The following CSTF3 variants were observed in gnomAD, a reference collection of about 807,000 sequenced individuals.
The protein encoded by CSTF3 is cleavage stimulation factor subunit 3, also known as CF-1 77 kDa subunit.
In CSTF3, 29 loss-of-function variants were observed where a neutral mutation model predicts 105.8. That is an observed-to-expected ratio of 0.27 (90% CI 0.20 to 0.37). The LOEUF is 0.37. Among genes scored for constraint, CSTF3 ranks in the 10% least tolerant of loss-of-function variants. CSTF3 has a pLI of 1.00. For synonymous variants in CSTF3, 252 were observed against 281.9 expected (o/e 0.89, Z 1.06); for missense variants, 357 against 879.3 (o/e 0.41, Z 7.51).
chr11:33,102,832 G>T (rs1006400245), intron 9 of CSTF3, among the ~76,000 whole-genome samples: 2 of 152,144 alleles, frequency 1.3e-5, no homozygotes, highest in Non-Finnish European at 2.9e-5. Flanking sequence ...AGAGGGAAAA[G>T]AATTACTTCA....
chr11:33,098,780 AG>A lies in CSTF3; in HGVS notation c.1054-17del. 3 of 1,479,818 alleles carry A rather than the reference AG, an allele frequency of 2.0e-6. No individual in the cohort carries two copies. Among genetic ancestry groups the A allele is most frequent in the Non-Finnish European group, 2.7e-6 (3 of 1,109,744 alleles). The allele number at this position is 1,479,818 out of a possible 1,614,324, so 91.7% of individuals were successfully genotyped here. On this transcript the variant is annotated splice_polypyrimidine_tract_variant and intron_variant, in intron 12 of 20. Coordinates refer to ENST00000323959, the MANE Select transcript of CSTF3 (RefSeq NM_001326.3). ...TCATGCGACTCTAAGGTGGTACAGA[AG>A]AAGTGAGTATCAACATATGGTCATA...
At chr11:33,131,229 G>C (rs1486977571) in intron 3 of CSTF3, among the ~76,000 whole-genome samples, 1 of 152,062 alleles carries the variant, frequency 6.6e-6, no homozygotes, top group African/African-American at 2.4e-5. Flanking sequence ...GGATAACCTG[G>C]CTACACAGAA....
chr11:33,141,951 C>T lies in CSTF3; in HGVS notation c.63G>A (p.Ala21=), dbSNP rs780857675. Residue 21 remains alanine (A), a synonymous_variant, in exon 2 of 21, where the codon GCG becomes GCA. Coordinates refer to ENST00000323959, the MANE Select transcript of CSTF3 (RefSeq NM_001326.3). ...AEYVPEKVKK[A]EKKLEENPYD... is the part of the protein sequence containing the mutation. ...ATGGATTCTCTTCTAATTTCTTTTC[C>T]GCTTTCTTCACCTTCTCTGGGACAT... 1.1e-5 allele frequency: 17 copies of T among 1,612,272 alleles called. No homozygotes were observed. The highest frequency in any genetic ancestry group is 2.2e-5 in the East Asian group (1 of 44,858).
chr11:33,136,619 C>G (rs1855656222), intron 3 of CSTF3, among the ~76,000 whole-genome samples: 1 of 151,892 alleles, frequency 6.6e-6, no homozygotes, highest in African/African-American at 2.4e-5. Flanking sequence ...CAATTGCCAC[C>G]TGATTCCCCT....
chr11:33,085,505 A>AGAT (rs1855095718), intron 20 of CSTF3, among the ~76,000 whole-genome samples: 1 of 152,244 alleles, frequency 6.6e-6, no homozygotes, highest in Non-Finnish European at 1.5e-5. Context: ...TGAATAGAAA[A>AGAT]GATAAAGTTT....
chr11:33,119,582 T>C (rs1210233411), intron 3 of CSTF3, among the ~76,000 whole-genome samples: 1 of 151,814 alleles, frequency 6.6e-6, no homozygotes, highest in Non-Finnish European at 1.5e-5. Context: ...TTTTTACCTA[T>C]TAGTAGAGAA....
chr11:33,108,383 C>A lies in CSTF3; in HGVS notation c.258+3G>T. On this transcript the variant is annotated splice_donor_region_variant and intron_variant, in intron 4 of 20. Transcript: ENST00000323959. ...ATAAAATTCAAAGTATTTGAGGACT[C>A]ACCTTTTCAACCTTGTCATAATTTT... 1 of 1,490,514 alleles carries A rather than the reference C, an allele frequency of 6.7e-7. No homozygotes were observed. The highest frequency in any genetic ancestry group is 9.0e-7 in the Non-Finnish European group (1 of 1,108,520). 92.3% of individuals were successfully genotyped at this position (1,490,514 alleles called of 1,614,324 possible).
At chr11:33,158,132 C>T (rs1031284424) in intron 1 of CSTF3, among the ~76,000 whole-genome samples, 3 of 152,134 alleles carry the variant, frequency 2.0e-5, no homozygotes, top group African/African-American at 7.2e-5. Flanking sequence ...TAAATTGAAG[C>T]TCTATGACAG....
chr11:33,085,641 G>T, intron 20 of CSTF3, 72 bp downstream of exon 20: 1 of 1,346,352 alleles, frequency 7.4e-7, no homozygotes, highest in Non-Finnish European at 1.1e-6. Context: ...CAGTGGCAGA[G>T]AATAATAATC....
At chr11:33,145,349 A>G (rs1034292648) in intron 1 of CSTF3, among the ~76,000 whole-genome samples, 1 of 152,144 alleles carries the variant, frequency 6.6e-6, no homozygotes, top group African/African-American at 2.4e-5. Context: ...AGGTGGCAGG[A>G]TCACCTGAGC....
At chr11:33,157,660 C>T (rs1849884702) in intron 1 of CSTF3, among the ~76,000 whole-genome samples, 3 of 151,972 alleles carry the variant, frequency 2.0e-5, no homozygotes, top group Admixed American at 1.3e-4. Flanking sequence ...TTAGGGGGCA[C>T]AAATCACAAA....
rs1248611092 is a variant in CSTF3 at position 33,084,930 on chromosome 11, T to G, written c.*157A>C. ...TTCCGTATTCTAAAATTCACACAGG[T>G]TGGTTTGTTTTTTCTCAAGAACCAT... On this transcript the variant is annotated 3_prime_UTR_variant, in exon 21 of 21. Transcript: ENST00000323959. 9.1e-6 allele frequency: 7 copies of G among 770,390 alleles called. No homozygotes were observed. In the African/African-American group the frequency reaches 1.0e-4, roughly 11 times the overall value. 47.7% of individuals were successfully genotyped at this position (770,390 alleles called of 1,614,324 possible). A position where few individuals can be genotyped will look rare whatever the true frequency, so the allele number is the denominator to read the frequency against.
At chr11:33,096,141 G>C (rs1855221124) in intron 15 of CSTF3, among the ~76,000 whole-genome samples, 165 bp downstream of exon 15, 1 of 152,200 alleles carries the variant, frequency 6.6e-6, no homozygotes, top group Non-Finnish European at 1.5e-5. Context: ...CCATTGCTCA[G>C]TAAATATATT....
chr11:33,088,793 T>C (rs1271362218), intron 17 of CSTF3, among the ~76,000 whole-genome samples: 1 of 151,662 alleles, frequency 6.6e-6, no homozygotes, highest in East Asian at 2.0e-4. Flanking sequence ...TTTTCTCTCT[T>C]TTTTTGGTAG....
At chr11:33,137,143 A>G (rs1451808790) in intron 3 of CSTF3, among the ~76,000 whole-genome samples, 1 of 151,892 alleles carries the variant, frequency 6.6e-6, no homozygotes, top group Non-Finnish European at 1.5e-5. Context: ...AAATGACCAT[A>G]TATTTTCAAT....
intron 1 of CSTF3, among the ~76,000 whole-genome samples, chr11:33,157,869 C>A (rs1297318329): frequency 6.6e-6 from 1 of 152,058 alleles, no homozygotes; most frequent in Non-Finnish European, 1.5e-5. Flanking sequence ...TAATTTTTTT[C>A]TTATTATTCT....
intron 1 of CSTF3, among the ~76,000 whole-genome samples, chr11:33,146,997 C>A (rs752520029): frequency 1.3e-4 from 19 of 151,954 alleles, no homozygotes; most frequent in Non-Finnish European, 2.8e-4. Flanking sequence ...AGACACTGGT[C>A]TCTACAAAAA....
chr11:33,124,002 C>A (rs1378870699), intron 3 of CSTF3, among the ~76,000 whole-genome samples: 1 of 151,964 alleles, frequency 6.6e-6, no homozygotes, highest in Non-Finnish European at 1.5e-5. Context: ...TCTATATTTT[C>A]ATCAATTCTC....
intron 1 of CSTF3, among the ~76,000 whole-genome samples, chr11:33,159,615 A>T: frequency 6.6e-6 from 1 of 150,700 alleles, no homozygotes; most frequent in Admixed American, 6.6e-5. Context: ...AAAAAAAAAA[A>T]AAAAAAAATT....
Sources: gnomAD v4.1 joint callset for allele counts (sites outside exome capture counted in the v4.1 genomes callset) on GRCh38, gnomAD v4.1.1 for gene constraint, MANE v1.5 for transcripts, NCBI Gene and HGNC (gene_info 2026-07-23, HGNC 2026-07-21) for gene names.